GRIN2A: variants seen among roughly 807,000 people sequenced by gnomAD.
The protein encoded by GRIN2A is glutamate ionotropic receptor NMDA type subunit 2A, also known as glutamate receptor ionotropic, NMDA 2A.
Under a neutral mutation model 113.4 loss-of-function variants are expected in GRIN2A, and 22 were observed. The observed-to-expected ratio is 0.19, with a 90% confidence interval of 0.14 to 0.28. The LOEUF (loss-of-function observed/expected upper bound fraction) is 0.28, where lower values mean the gene tolerates loss of function less well. Ranked by LOEUF, GRIN2A falls within the 10% of genes least tolerant of loss-of-function variation. GRIN2A has a pLI of 1.00. For missense variants in GRIN2A, 1,502 were observed against 1,887.0 expected (o/e 0.80, Z 3.78); for synonymous variants, 827 against 738.4 (o/e 1.12, Z -1.94).
At chr16:10,071,609 G>T (rs1415426505) in intron 2 of GRIN2A, among the ~76,000 whole-genome samples, 1 of 152,334 alleles carries the variant, frequency 6.6e-6, no homozygotes, top group Non-Finnish European at 1.5e-5. Flanking sequence ...GTTTGGGAAG[G>T]CATTGTATAG....
chr16:9,959,748 T>C (rs918389846), intron 2 of GRIN2A, among the ~76,000 whole-genome samples: 4 of 152,100 alleles, frequency 2.6e-5, no homozygotes, highest in African/African-American at 9.7e-5. Flanking sequence ...CTGAGGTGGG[T>C]ATATCACCTG....
At chr16:10,017,789 T>C (rs1192895094) in intron 2 of GRIN2A, among the ~76,000 whole-genome samples, 2 of 151,916 alleles carry the variant, frequency 1.3e-5, no homozygotes, top group South Asian at 2.1e-4. Flanking sequence ...TATTTTAATA[T>C]GATATTTTTA....
At chr16:10,087,085 T>C (rs140609950) in intron 2 of GRIN2A, among the ~76,000 whole-genome samples, 3 of 152,346 alleles carry the variant, frequency 2.0e-5, no homozygotes, top group East Asian at 1.9e-4. Flanking sequence ...TGGCTAAAGC[T>C]GTAGGCTCGA....
chr16:9,830,124 T>C (rs2042462949), intron 8 of GRIN2A, among the ~76,000 whole-genome samples: 2 of 152,310 alleles, frequency 1.3e-5, no homozygotes, highest in Admixed American at 6.5e-5. Context: ...TCCCTAGCAA[T>C]TGCTCCTGTT....
chr16:10,157,837 A>C (rs1336953899), intron 2 of GRIN2A, among the ~76,000 whole-genome samples: 2 of 152,108 alleles, frequency 1.3e-5, no homozygotes, highest in Non-Finnish European at 2.9e-5. Flanking sequence ...GTTATATTTT[A>C]ATATTACTAC....
intron 4 of GRIN2A, among the ~76,000 whole-genome samples, chr16:9,870,668 C>T (rs769509929): frequency 1.8e-4 from 26 of 146,980 alleles, no homozygotes; most frequent in Non-Finnish European, 2.8e-4. Flanking sequence ...GATGGAGTCT[C>T]GCTCTGTTGC....
chr16:10,103,346 C>G (rs922926351), intron 2 of GRIN2A, among the ~76,000 whole-genome samples: 1 of 152,090 alleles, frequency 6.6e-6, no homozygotes, highest in East Asian at 1.9e-4. Flanking sequence ...AGCTGGGATG[C>G]AATTTGCAGA....
chr16:9,885,773 G>A (rs543048457), intron 4 of GRIN2A, among the ~76,000 whole-genome samples: 1 of 152,236 alleles, frequency 6.6e-6, no homozygotes, highest in South Asian at 2.1e-4. Flanking sequence ...TGCTCCACTG[G>A]CTTTCTCTTT....
chr16:10,038,640 G>T (rs985604130), intron 2 of GRIN2A, among the ~76,000 whole-genome samples: 1 of 151,904 alleles, frequency 6.6e-6, no homozygotes, highest in Non-Finnish European at 1.5e-5. Flanking sequence ...TCAGGAGATA[G>T]AGATCATCCT....
intron 3 of GRIN2A, among the ~76,000 whole-genome samples, chr16:9,936,405 T>C (rs879436): frequency 2.6e-5 from 4 of 152,184 alleles, no homozygotes; most frequent in African/African-American, 4.8e-5. Context: ...GTGCAAGTCA[T>C]ACAGAAAGTG....
At chr16:9,920,675 C>T (rs1476803488) in intron 3 of GRIN2A, among the ~76,000 whole-genome samples, 3 of 151,974 alleles carry the variant, frequency 2.0e-5, no homozygotes, top group Non-Finnish European at 2.9e-5. Flanking sequence ...AAACGATTCC[C>T]CTGCCTCAGC....
At chr16:10,175,778 G>A (rs1172271751) in intron 2 of GRIN2A, among the ~76,000 whole-genome samples, 1 of 152,098 alleles carries the variant, frequency 6.6e-6, no homozygotes, top group East Asian at 1.9e-4. Flanking sequence ...TTCCTGCATG[G>A]AGCAATTAGG....
At position 9,758,816 on chromosome 16, in the gene GRIN2A, C is replaced by T. The variant is rs1900461435; in HGVS notation, c.*4333G>A. On this transcript the variant is annotated 3_prime_UTR_variant, in exon 13 of 13. Transcript: ENST00000330684. ...TCAAGTATAGACCCCACAGCACTTT[C>T]AACCCTGTTCACCAAAAAGAGATGG... 1 of 214,396 alleles carries T rather than the reference C, an allele frequency of 4.7e-6. No individual in the cohort carries two copies. The highest frequency in any genetic ancestry group is 2.3e-5 in the African/African-American group (1 of 44,336). 13.3% of individuals were successfully genotyped at this position (214,396 alleles called of 1,614,324 possible). A position where few individuals can be genotyped will look rare whatever the true frequency, so the allele number is the denominator to read the frequency against.
intron 2 of GRIN2A, among the ~76,000 whole-genome samples, chr16:9,968,662 C>T (rs933912408): frequency 5.9e-5 from 9 of 152,000 alleles, no homozygotes; most frequent in South Asian, 2.1e-4. Flanking sequence ...GGCGGGAGTG[C>T]GGTGGCGTGA....
intron 3 of GRIN2A, among the ~76,000 whole-genome samples, chr16:9,895,832 A>G (rs549114260): frequency 6.6e-6 from 1 of 152,284 alleles, no homozygotes; most frequent in African/African-American, 2.4e-5. Context: ...CAATTATCCA[A>G]CACTTTGGGG....
intron 2 of GRIN2A, chr16:10,111,550 C>A (rs866032557): frequency 6.3e-6 from 5 of 794,766 alleles, no homozygotes; most frequent in African/African-American, 1.7e-5. Context: ...AGCCCTGACC[C>A]GGAAGATCAT....
At chr16:9,784,139 G>T (rs573498484) in intron 11 of GRIN2A, among the ~76,000 whole-genome samples, 5 of 152,182 alleles carry the variant, frequency 3.3e-5, no homozygotes, top group African/African-American at 1.2e-4. Flanking sequence ...TTTTTAAAAA[G>T]AATTATATGG....
intron 11 of GRIN2A, among the ~76,000 whole-genome samples, chr16:9,774,959 T>C (rs1260536566): frequency 6.6e-6 from 1 of 152,228 alleles, no homozygotes; most frequent in African/African-American, 2.4e-5. Flanking sequence ...GACTCTCTTA[T>C]ATCCAAAGTA....
intron 2 of GRIN2A, among the ~76,000 whole-genome samples, chr16:10,075,729 T>A (rs1384557340): frequency 6.6e-6 from 1 of 152,166 alleles, no homozygotes; most frequent in Non-Finnish European, 1.5e-5. Flanking sequence ...ACACATTCTG[T>A]ACTAGGAATT....
Sources: allele counts gnomAD v4.1 joint callset (sites outside exome capture counted in the v4.1 genomes callset), GRCh38; gene constraint gnomAD v4.1.1; transcripts MANE v1.5; gene names NCBI Gene and HGNC (gene_info 2026-07-23, HGNC 2026-07-21).